RAB22A: variants seen among roughly 807,000 people sequenced by gnomAD.
RAB22A encodes ras-related protein Rab-22A.
In RAB22A, 13 loss-of-function variants were observed where a neutral mutation model predicts 30.2. The ratio of observed to expected loss-of-function variants is 0.43; its 90% CI spans 0.28 to 0.68. The LOEUF is 0.68. Among genes scored for constraint, RAB22A ranks in the 30% least tolerant of loss-of-function variants. The pLI, the probability that RAB22A is intolerant of heterozygous loss-of-function variation, is 0.18. For missense variants in RAB22A, 177 were observed against 246.8 expected (o/e 0.72, Z 1.89); for synonymous variants, 89 against 87.2 (o/e 1.02, Z -0.11).
At position 58,359,702 on chromosome 20, in the gene RAB22A, G is replaced by T; in HGVS notation, c.584G>T (p.Ter195LeuextTer12). The change falls in exon 7 of 7, where the codon TGA becomes TTA. Residue 195 changes from the stop codon to leucine (L), a stop_lost. Coordinates refer to ENST00000244040, the MANE Select transcript of RAB22A (RefSeq NM_020673.3). ...QPSEPKRSCC[*>L] ...TCAGAGCCAAAGCGGAGCTGCTGCT[G>T]ACCGAACCTCAGCCTCTCAGACTTG... is the stretch of plus-strand genomic sequence containing the variant. 4 of 1,605,412 alleles carry T rather than the reference G, an allele frequency of 2.5e-6. No homozygotes were observed. The South Asian group carries it at 4.4e-5, about 18-fold the overall frequency.
At chr20:58,312,049 G>A (rs537980410) in intron 2 of RAB22A, among the ~76,000 whole-genome samples, 81 of 152,142 alleles carry the variant, frequency 5.3e-4, no homozygotes, top group African/African-American at 1.9e-3. Context: ...TCTGCCTCCC[G>A]GGTTCAAGCG....
At chr20:58,354,109 A>G (rs775458242) in intron 5 of RAB22A, 47 bp from the exon 6 acceptor site, 5 of 1,425,810 alleles carry the variant, frequency 3.5e-6, no homozygotes, top group Non-Finnish European at 3.9e-6. Flanking sequence ...GGGTACAACT[A>G]AGATCTTCAT....
intron 2 of RAB22A, among the ~76,000 whole-genome samples, chr20:58,325,524 G>GT (rs1273582326): frequency 4.0e-5 from 6 of 151,812 alleles, no homozygotes; most frequent in Non-Finnish European, 7.4e-5. Flanking sequence ...GATCCAACAA[G>GT]TTTTTTTTAT....
rs1987260164 is a variant in RAB22A, at chr20:58,363,301, G to A, written c.*3598G>A. 6.6e-6 allele frequency: 1 copy of A among 152,172 alleles called. No homozygotes were observed. Among genetic ancestry groups the A allele is most frequent in the South Asian group, 2.1e-4 (1 of 4,824 alleles). The allele number at this position is 152,172 out of a possible 1,614,324, so 9.4% of individuals were successfully genotyped here. A position where few individuals can be genotyped will look rare whatever the true frequency, so the allele number is the denominator to read the frequency against. On this transcript the variant is annotated 3_prime_UTR_variant, in exon 7 of 7. Coordinates refer to ENST00000244040, the MANE Select transcript of RAB22A (RefSeq NM_020673.3). Reference sequence around the variant, plus strand: ...CACTTATTCTTTCAGAATACATCAAGGATGTGATTTATGGGCCCTTAAGAG... The same window carrying A: ...CACTTATTCTTTCAGAATACATCAAAGATGTGATTTATGGGCCCTTAAGAG...
chr20:58,358,825 G>A (rs1600744528), intron 6 of RAB22A, among the ~76,000 whole-genome samples: 1 of 151,270 alleles, frequency 6.6e-6, no homozygotes, highest in Non-Finnish European at 1.5e-5. Context: ...AACCTAGGAA[G>A]CTTAGGTTGC....
chr20:58,316,747 G>A (rs1267636311), intron 2 of RAB22A, among the ~76,000 whole-genome samples: 2 of 152,176 alleles, frequency 1.3e-5, no homozygotes, highest in Non-Finnish European at 2.9e-5. Flanking sequence ...GACACCTAGG[G>A]ACTGTCCATG....
At chr20:58,356,178 G>A (rs561636136) in intron 6 of RAB22A, among the ~76,000 whole-genome samples, 211 of 152,026 alleles carry the variant, frequency 1.4e-3, no homozygotes, top group Admixed American at 4.8e-3. Context: ...GGGCGTGGTG[G>A]TGCATGCCTG....
At chr20:58,339,137 G>A (rs1255942878) in intron 2 of RAB22A, among the ~76,000 whole-genome samples, 1 of 152,198 alleles carries the variant, frequency 6.6e-6, no homozygotes, top group Non-Finnish European at 1.5e-5. Context: ...CACGTACTCT[G>A]ACCAAAGTTC....
chr20:58,324,555 C>G (rs1454559510), intron 2 of RAB22A, among the ~76,000 whole-genome samples: 1 of 152,090 alleles, frequency 6.6e-6, no homozygotes. Flanking sequence ...TTCAGTCCTC[C>G]TCGGTTGTAT....
At position 58,354,145 on chromosome 20, in the gene RAB22A, T is replaced by C; in HGVS notation, c.378-11T>C. 1 of 1,597,292 alleles carries C rather than the reference T, an allele frequency of 6.3e-7. No individual in the cohort carries two copies. Among genetic ancestry groups the C allele is most frequent in the East Asian group, 2.2e-5 (1 of 44,750 alleles). On this transcript the variant is annotated splice_polypyrimidine_tract_variant and intron_variant, in intron 5 of 6. Coordinates refer to ENST00000244040, the MANE Select transcript of RAB22A (RefSeq NM_020673.3). ...GGGTAGAATTTCTGATATGTAGTTG[T>C]TGCCTTCCAGAGAAGTCATGGAGAG... is the stretch of plus-strand genomic sequence containing the variant.
In RAB22A at chr20:58,354,283, T is replaced by C; in HGVS notation, c.487+18T>C. 1 of 1,551,166 alleles carries C rather than the reference T, an allele frequency of 6.4e-7. No individual in the cohort carries two copies. The highest frequency in any genetic ancestry group is 2.3e-5 in the East Asian group (1 of 44,184). ...AGAAATTAGTGAGTATCTCTGTGCC[T>C]TATCCATTTCCTCTGTAAAAGCCGC... is the stretch of plus-strand genomic sequence containing the variant. On this transcript the variant is annotated intron_variant, in intron 6 of 6. Coordinates refer to ENST00000244040, the MANE Select transcript of RAB22A (RefSeq NM_020673.3).
intron 2 of RAB22A, among the ~76,000 whole-genome samples, chr20:58,320,652 G>T (rs1449651024): frequency 6.6e-6 from 1 of 152,138 alleles, no homozygotes; most frequent in African/African-American, 2.4e-5. Flanking sequence ...AGTTGCCCCT[G>T]TCATTTCTCT....
At chr20:58,352,484 TGA>T (rs1215768279) in intron 3 of RAB22A, among the ~76,000 whole-genome samples, 1 of 152,166 alleles carries the variant, frequency 6.6e-6, no homozygotes, top group Admixed American at 6.5e-5. Flanking sequence ...ATCCAGTTGG[TGA>T]GATGCTCACA....
intron 2 of RAB22A, among the ~76,000 whole-genome samples, chr20:58,328,126 A>G (rs1382769170): frequency 6.6e-6 from 1 of 152,218 alleles, no homozygotes; most frequent in East Asian, 1.9e-4. Context: ...TAGGCAACTC[A>G]CTATCAAATG....
chr20:58,312,545 G>GTGGCGCGATCT (rs1160936870), intron 2 of RAB22A, among the ~76,000 whole-genome samples: 8 of 132,872 alleles, frequency 6.0e-5, no homozygotes, highest in African/African-American at 2.3e-4. Context: ...CTGGAGTGCA[G>GTGGCGCGATCT]TGGCGCGATC....
chr20:58,313,607 T>C lies in RAB22A; in HGVS notation c.116+2485T>C, dbSNP rs1986274660. ...CTCTTCAGCCCTCCGTCATCTCAGC[T>C]CCTCCCTGCCATGCCACTAAAACCA... On this transcript the variant is annotated intron_variant, in intron 2 of 6. Coordinates refer to ENST00000244040, the MANE Select transcript of RAB22A (RefSeq NM_020673.3). 2.6e-5 allele frequency among the ~76,000 whole-genome samples: 4 copies of C among 152,196 alleles called. No homozygotes were observed. In the South Asian group the frequency reaches 8.3e-4, roughly 32 times the overall value.
chr20:58,337,000 C>T (rs1023913837), intron 2 of RAB22A, among the ~76,000 whole-genome samples: 2 of 152,144 alleles, frequency 1.3e-5, no homozygotes, highest in Non-Finnish European at 2.9e-5. Flanking sequence ...TGGGGGTCCT[C>T]GCCCATCTTC....
At chr20:58,320,555 T>C (rs1386227037) in intron 2 of RAB22A, among the ~76,000 whole-genome samples, 1 of 152,238 alleles carries the variant, frequency 6.6e-6, no homozygotes, top group Non-Finnish European at 1.5e-5. Context: ...TTTTGTTATC[T>C]GAGCATTTAG....
intron 2 of RAB22A, among the ~76,000 whole-genome samples, chr20:58,328,072 A>G (rs1986599410): frequency 6.6e-6 from 1 of 152,212 alleles, no homozygotes; most frequent in African/African-American, 2.4e-5. Context: ...TACATAAGAA[A>G]ATAATCTTGA....
Sources: allele counts gnomAD v4.1 joint callset (sites outside exome capture counted in the v4.1 genomes callset), GRCh38; gene constraint gnomAD v4.1.1; transcripts MANE v1.5; gene names NCBI Gene and HGNC (gene_info 2026-07-23, HGNC 2026-07-21).